Variants in GNG12 observed in about 807,000 individuals in gnomAD.
GNG12 encodes guanine nucleotide-binding protein G(I)/G(S)/G(O) subunit gamma-12.
For synonymous variants in GNG12, 28 were observed against 29.7 expected (o/e 0.94, Z 0.19); for missense variants, 69 against 83.8 (o/e 0.82, Z 0.69).
chr1:67,708,390 A>T (rs1646262285), intron 2 of GNG12, among the ~76,000 whole-genome samples: 1 of 152,182 alleles, frequency 6.6e-6, no homozygotes, highest in Non-Finnish European at 1.5e-5. Flanking sequence ...TACAGTCTGA[A>T]ATAATTAATA....
At chr1:67,764,257 G>A (rs1047317820) in intron 2 of GNG12, among the ~76,000 whole-genome samples, 2 of 152,192 alleles carry the variant, frequency 1.3e-5, no homozygotes, top group Admixed American at 6.5e-5. Context: ...CTGGTGCGTA[G>A]AGAAAGACAA....
chr1:67,794,793 T>A (rs1646820379), intron 1 of GNG12, among the ~76,000 whole-genome samples: 1 of 152,246 alleles, frequency 6.6e-6, no homozygotes. Context: ...GCTCCAGCTA[T>A]ATTTATATCA....
At chr1:67,800,463 T>C (rs1351285678) in intron 1 of GNG12, among the ~76,000 whole-genome samples, 3 of 152,206 alleles carry the variant, frequency 2.0e-5, no homozygotes, top group Non-Finnish European at 2.9e-5. Flanking sequence ...AATCAGAGCT[T>C]GTCAGACATT....
At chr1:67,747,034 T>A (rs1005825046) in intron 2 of GNG12, among the ~76,000 whole-genome samples, 1 of 152,192 alleles carries the variant, frequency 6.6e-6, no homozygotes, top group African/African-American at 2.4e-5. Flanking sequence ...CTCCTATCTT[T>A]CCTGATACCA....
intron 2 of GNG12, among the ~76,000 whole-genome samples, chr1:67,744,782 T>C (rs1646499591): frequency 6.6e-6 from 1 of 152,200 alleles, no homozygotes; most frequent in African/African-American, 2.4e-5. Flanking sequence ...CACCAAATTA[T>C]ACACTTAGCA....
intron 1 of GNG12, among the ~76,000 whole-genome samples, chr1:67,807,191 T>C (rs1277957159): frequency 2.0e-5 from 3 of 151,978 alleles, no homozygotes; most frequent in Admixed American, 6.6e-5. Flanking sequence ...ATAAAATACA[T>C]GAGTCAAGGA....
intron 2 of GNG12, among the ~76,000 whole-genome samples, chr1:67,763,763 C>A (rs528856128): frequency 6.6e-6 from 1 of 151,976 alleles, no homozygotes; most frequent in Non-Finnish European, 1.5e-5. Context: ...CCCCCTCCCA[C>A]CCTATGAATT....
At chr1:67,778,382 G>A (rs1646718424) in intron 1 of GNG12, among the ~76,000 whole-genome samples, 1 of 152,062 alleles carries the variant, frequency 6.6e-6, no homozygotes, top group Admixed American at 6.6e-5. Context: ...GACAGCACAG[G>A]TCTAGGGAAC....
intron 2 of GNG12, among the ~76,000 whole-genome samples, chr1:67,757,023 T>A (rs984059984): frequency 6.6e-6 from 1 of 152,196 alleles, no homozygotes; most frequent in Non-Finnish European, 1.5e-5. Context: ...AAGTTGAGTA[T>A]CCCTTATTCA....
intron 2 of GNG12, among the ~76,000 whole-genome samples, chr1:67,734,138 C>T (rs992602414): frequency 6.6e-6 from 1 of 151,774 alleles, no homozygotes; most frequent in Admixed American, 6.6e-5. Context: ...TGTGTCCCAG[C>T]GGGAGTGTGT....
rs878939686 is a variant in GNG12, at chr1:67,703,075, T to G, written c.*2376A>C. ...ACATATATTTTCTCACATAGACGTC[T>G]AGTTATAAGTAAATCAACATTTAGC... On this transcript the variant is annotated 3_prime_UTR_variant, in exon 4 of 4. Transcript: ENST00000370982. The G allele has an allele frequency of 6.6e-6, 1 of 152,182 alleles. No individual in the cohort carries two copies. Among genetic ancestry groups the G allele is most frequent in the Non-Finnish European group, 1.5e-5 (1 of 68,028 alleles). The allele number at this position is 152,182 out of a possible 1,614,324, so 9.4% of individuals were successfully genotyped here.
intron 2 of GNG12, among the ~76,000 whole-genome samples, chr1:67,772,210 C>T (rs1316231259): frequency 5.3e-5 from 8 of 152,172 alleles, no homozygotes; most frequent in African/African-American, 1.9e-4. Context: ...CAGAAGTTCA[C>T]AGATCTGTTG....
chr1:67,765,046 T>C (rs1309591243), intron 2 of GNG12, among the ~76,000 whole-genome samples: 2 of 152,162 alleles, frequency 1.3e-5, no homozygotes, highest in Non-Finnish European at 2.9e-5. Context: ...GATGAAAAAT[T>C]AGACAAAATA....
At chr1:67,705,656 T>G in intron 3 of GNG12, 80 bp from the exon 4 acceptor site, 1 of 1,496,024 alleles carries the variant, frequency 6.7e-7, no homozygotes, top group Admixed American at 2.2e-5. Flanking sequence ...AATGCTAGGC[T>G]ATTGAATGGA....
chr1:67,776,823 G>C (rs1342152627), intron 2 of GNG12, among the ~76,000 whole-genome samples: 1 of 152,106 alleles, frequency 6.6e-6, no homozygotes, highest in African/African-American at 2.4e-5. Flanking sequence ...GTAAATTTTG[G>C]GGTGGTTTGT....
intron 1 of GNG12, among the ~76,000 whole-genome samples, chr1:67,804,009 G>A (rs150865902): frequency 2.6e-5 from 4 of 152,296 alleles, no homozygotes; most frequent in African/African-American, 7.2e-5. Context: ...CAGGCAGAAC[G>A]GCTGGCTTTG....
chr1:67,741,618 G>T (rs569200497), intron 2 of GNG12, among the ~76,000 whole-genome samples: 2 of 152,282 alleles, frequency 1.3e-5, no homozygotes, highest in East Asian at 3.9e-4. Context: ...CCATCTTTGA[G>T]TCTATAACAA....
chr1:67,755,965 T>C (rs1646565557), intron 2 of GNG12, among the ~76,000 whole-genome samples: 1 of 151,894 alleles, frequency 6.6e-6, no homozygotes, highest in Non-Finnish European at 1.5e-5. Context: ...CTTTGTACAG[T>C]GAAGCAAAAA....
At chr1:67,806,095 C>T (rs1646893335) in intron 1 of GNG12, among the ~76,000 whole-genome samples, 1 of 151,372 alleles carries the variant, frequency 6.6e-6, no homozygotes, top group South Asian at 2.1e-4. Context: ...TAAAAAAAAA[C>T]TGAGGGAATC....
Sources: gnomAD v4.1 joint callset for allele counts (sites outside exome capture counted in the v4.1 genomes callset) on GRCh38, gnomAD v4.1.1 for gene constraint, MANE v1.5 for transcripts, NCBI Gene and HGNC (gene_info 2026-07-23, HGNC 2026-07-21) for gene names.